Variants in CPA6 observed in about 807,000 individuals in gnomAD.
CPA6 encodes the protein carboxypeptidase A6.
A neutral mutation model predicts 63.3 loss-of-function variants in CPA6; 58 were observed. The ratio of observed to expected loss-of-function variants is 0.92; its 90% confidence interval spans 0.74 to 1.14. CPA6 has a LOEUF of 1.14. CPA6 is among the 50% of genes most tolerant of loss of function. The pLI is 0.00. For synonymous variants in CPA6, 185 were observed against 179.0 expected, an observed-to-expected ratio of 1.03 and a Z score of -0.27; for missense variants, 565 against 526.6, an observed-to-expected ratio of 1.07 and a Z score of -0.71.
chr8:67,430,921 G>GCATA (rs1300404353), intron 9 of CPA6, among the ~76,000 whole-genome samples: 4 of 151,960 alleles, frequency 2.6e-5, no homozygotes, highest in African/African-American at 9.7e-5. Flanking sequence ...GAGTGCAGTA[G>GCATA]CATAACCTTA....
At chr8:67,462,214 T>C (rs1810829291) in intron 8 of CPA6, among the ~76,000 whole-genome samples, 1 of 147,220 alleles carries the variant, frequency 6.8e-6, no homozygotes, top group Non-Finnish European at 1.5e-5. Context: ...AGTTTTATTA[T>C]ATCCATCTGT....
intron 9 of CPA6, among the ~76,000 whole-genome samples, chr8:67,428,340 A>T (rs1809942113): frequency 6.6e-6 from 1 of 152,204 alleles, no homozygotes; most frequent in Non-Finnish European, 1.5e-5. Context: ...ACAACAAACC[A>T]GTGATCAATA....
intron 1 of CPA6, among the ~76,000 whole-genome samples, chr8:67,647,803 G>A (rs1815746406): frequency 6.6e-6 from 1 of 152,136 alleles, no homozygotes; most frequent in Non-Finnish European, 1.5e-5. Flanking sequence ...ACAAACCACT[G>A]TCTGCTCTAT....
At chr8:67,681,200 C>CTTTCTTTTTTTTTTTTTTTTT (rs1816586314) in intron 1 of CPA6, among the ~76,000 whole-genome samples, 1 of 89,896 alleles carries the variant, frequency 1.1e-5, no homozygotes, top group Non-Finnish European at 2.0e-5. Context: ...CAAAGATTTT[C>CTTTCTTTTTTTTTTTTTTTTT]TTTTTTTTTT....
chr8:67,735,160 T>C (rs1248185839), intron 1 of CPA6: 1 of 152,144 alleles, frequency 6.6e-6, no homozygotes, highest in African/African-American at 2.4e-5. Context: ...TTTTAAATAC[T>C]TGTTCATTTT....
chr8:67,437,732 G>C (rs1161656257), intron 8 of CPA6, among the ~76,000 whole-genome samples: 2 of 152,168 alleles, frequency 1.3e-5, no homozygotes, highest in African/African-American at 4.8e-5. Context: ...AAGATGGAGA[G>C]TGGTTTGAAA....
intron 1 of CPA6, among the ~76,000 whole-genome samples, chr8:67,687,480 C>T (rs575385703): frequency 6.6e-6 from 1 of 151,474 alleles, no homozygotes; most frequent in South Asian, 2.1e-4. Flanking sequence ...GACATGGACT[C>T]ATATGCAATT....
At chr8:67,732,847 GA>G (rs1817732310) in intron 1 of CPA6, among the ~76,000 whole-genome samples, 1 of 152,008 alleles carries the variant, frequency 6.6e-6, no homozygotes, top group African/African-American at 2.4e-5. Context: ...CTGTTCCATC[GA>G]CCCCCAGGCT....
chr8:67,599,085 T>G (rs1249474124), intron 2 of CPA6, among the ~76,000 whole-genome samples: 1 of 152,224 alleles, frequency 6.6e-6, no homozygotes, highest in Admixed American at 6.5e-5. Context: ...AAGGATTCAT[T>G]ATGGAATGAA....
intron 1 of CPA6, among the ~76,000 whole-genome samples, chr8:67,733,022 C>G (rs1053778516): frequency 7.2e-5 from 11 of 151,760 alleles, no homozygotes; most frequent in Middle Eastern, 3.4e-3. Context: ...CGGTGAAACC[C>G]CGTCTCTACT....
intron 1 of CPA6, among the ~76,000 whole-genome samples, chr8:67,711,411 C>A (rs1817256687): frequency 6.6e-6 from 1 of 152,122 alleles, no homozygotes; most frequent in Non-Finnish European, 1.5e-5. Flanking sequence ...GGTTTCCACA[C>A]AGCATTTGAA....
intron 8 of CPA6, among the ~76,000 whole-genome samples, chr8:67,446,347 A>G (rs952822396): frequency 2.0e-5 from 3 of 151,930 alleles, no homozygotes; most frequent in Non-Finnish European, 4.4e-5. Flanking sequence ...ATAGAGATAG[A>G]GTCTCGATAT....
chr8:67,463,619 C>T (rs1810863046), intron 8 of CPA6, among the ~76,000 whole-genome samples: 1 of 152,034 alleles, frequency 6.6e-6, no homozygotes, highest in South Asian at 2.1e-4. Context: ...TGATACCGTC[C>T]CCCACATACT....
intron 3 of CPA6, among the ~76,000 whole-genome samples, chr8:67,512,279 C>T (rs541773559): frequency 1.3e-5 from 2 of 152,304 alleles, no homozygotes; most frequent in South Asian, 4.1e-4. Flanking sequence ...TGCACACATC[C>T]CTTCCATCAC....
chr8:67,597,416 G>A (rs1472725365), intron 2 of CPA6, among the ~76,000 whole-genome samples: 4 of 152,124 alleles, frequency 2.6e-5, no homozygotes, highest in East Asian at 1.9e-4. Context: ...GGAGAGTCTC[G>A]ATCTCTTGAC....
chr8:67,632,997 G>C (rs1815379114), intron 1 of CPA6, among the ~76,000 whole-genome samples: 1 of 152,038 alleles, frequency 6.6e-6, no homozygotes, highest in Admixed American at 6.6e-5. Flanking sequence ...TTGACAATTT[G>C]AGCCAATTTT....
chr8:67,422,397 C>T lies in CPA6; in HGVS notation c.*107G>A. The T allele has an allele frequency of 1.1e-6, 1 of 931,564 alleles. No individual in the cohort carries two copies. The highest frequency in any genetic ancestry group is 1.6e-6 in the Non-Finnish European group (1 of 611,240). 57.7% of individuals were successfully genotyped at this position (931,564 alleles called of 1,614,324 possible). ...GTGGGGTCTTTTTAAAGTCCATAGA[C>T]ATGTTCACTCTAAGCAGCTGCCCTT... On this transcript the variant is annotated 3_prime_UTR_variant, in exon 11 of 11. Coordinates refer to ENST00000297770, the MANE Select transcript of CPA6 (RefSeq NM_020361.5).
At chr8:67,697,975 C>T (rs960040506) in intron 1 of CPA6, among the ~76,000 whole-genome samples, 11 of 152,100 alleles carry the variant, frequency 7.2e-5, no homozygotes, top group African/African-American at 4.8e-5. Flanking sequence ...AACTATAAAA[C>T]GGAATCCTAA....
intron 2 of CPA6, among the ~76,000 whole-genome samples, chr8:67,608,145 C>A (rs1281855742): frequency 1.3e-5 from 2 of 152,186 alleles, no homozygotes. Flanking sequence ...CTTTTGTGTA[C>A]ATTCTGATAC....
Sources: gnomAD v4.1 joint callset for allele counts (sites outside exome capture counted in the v4.1 genomes callset) on GRCh38, gnomAD v4.1.1 for gene constraint, MANE v1.5 for transcripts, NCBI Gene and HGNC (gene_info 2026-07-23, HGNC 2026-07-21) for gene names.